Variants in MAST4 observed in about 807,000 individuals in gnomAD.
MAST4 encodes the protein microtubule-associated serine/threonine-protein kinase 4.
In MAST4, 89 loss-of-function variants were observed where a neutral mutation model predicts 162.7. The observed-to-expected ratio is 0.55, with a 90% CI of 0.46 to 0.65. The LOEUF (loss-of-function observed/expected upper bound fraction) is 0.65. MAST4 is among the 30% of genes least tolerant of loss of function. MAST4 has a pLI of 0.00. For missense variants in MAST4, 3,153 were observed against 3,374.0 expected, an observed-to-expected ratio of 0.93 and a Z score of 1.62; for synonymous variants, 1,479 against 1,361.1, an observed-to-expected ratio of 1.09 and a Z score of -1.91.
chr5:66,935,475 A>G (rs1278213435), intron 4 of MAST4, among the ~76,000 whole-genome samples: 3 of 151,830 alleles, frequency 2.0e-5, no homozygotes, highest in Admixed American at 1.3e-4. Context: ...TCCCTCCTTT[A>G]AATTCCCTCA....
At chr5:66,911,259 T>TC (rs1259059925) in intron 4 of MAST4, among the ~76,000 whole-genome samples, 1 of 152,206 alleles carries the variant, frequency 6.6e-6, no homozygotes, top group Non-Finnish European at 1.5e-5. Flanking sequence ...TGCAGATAGT[T>TC]CTGTGAACAC....
chr5:67,002,011 G>A (rs952160137), intron 4 of MAST4: 15 of 152,130 alleles, frequency 9.9e-5, no homozygotes, highest in African/African-American at 3.1e-4. Flanking sequence ...TTCTCTGTGC[G>A]GCTTATAATA....
At chr5:66,670,836 T>A (rs994118741) in intron 1 of MAST4, among the ~76,000 whole-genome samples, 1 of 152,068 alleles carries the variant, frequency 6.6e-6, no homozygotes, top group Admixed American at 6.5e-5. Flanking sequence ...CTAAAAACAT[T>A]ACTCAGATAT....
At chr5:66,652,569 A>G (rs1746296345) in intron 1 of MAST4, among the ~76,000 whole-genome samples, 1 of 152,204 alleles carries the variant, frequency 6.6e-6, no homozygotes, top group Admixed American at 6.5e-5. Flanking sequence ...GTAAAAAACA[A>G]TTTATCTATC....
intron 10 of MAST4, among the ~76,000 whole-genome samples, chr5:67,106,203 G>C (rs1349059617): frequency 6.6e-6 from 1 of 151,906 alleles, no homozygotes; most frequent in African/African-American, 2.4e-5. Context: ...CTTGTCAGCT[G>C]TCTTGGATTA....
chr5:66,906,689 T>C (rs1763375952), intron 4 of MAST4, among the ~76,000 whole-genome samples: 1 of 152,158 alleles, frequency 6.6e-6, no homozygotes, highest in African/African-American at 2.4e-5. Flanking sequence ...AGAAGACAAT[T>C]CATTAATGGG....
At chr5:66,764,299 A>G (rs1209546001) in intron 2 of MAST4, among the ~76,000 whole-genome samples, 1 of 152,146 alleles carries the variant, frequency 6.6e-6, no homozygotes, top group African/African-American at 2.4e-5. Flanking sequence ...GAAAGACAGG[A>G]GCATGAGAGG....
chr5:67,048,401 A>C (rs561934617), intron 4 of MAST4, among the ~76,000 whole-genome samples: 12 of 152,306 alleles, frequency 7.9e-5, no homozygotes, highest in African/African-American at 2.9e-4. Flanking sequence ...CAAAAGTATA[A>C]TTCATCCAAA....
chr5:66,679,150 G>C (rs1580175789), intron 1 of MAST4, among the ~76,000 whole-genome samples: 1 of 152,300 alleles, frequency 6.6e-6, no homozygotes, highest in East Asian at 1.9e-4. Context: ...GAGATGGTAA[G>C]AAAAGATTAC....
intron 1 of MAST4, among the ~76,000 whole-genome samples, chr5:66,739,281 A>G (rs1251746477): frequency 1.3e-5 from 2 of 152,206 alleles, no homozygotes; most frequent in Non-Finnish European, 2.9e-5. Flanking sequence ...CTTAGAGGAC[A>G]CCCAGTTGTT....
intron 26 of MAST4, among the ~76,000 whole-genome samples, chr5:67,154,021 A>G (rs981592373): frequency 6.6e-6 from 1 of 152,256 alleles, no homozygotes; most frequent in Admixed American, 6.5e-5. Context: ...TTGTAAATAT[A>G]TACACATGTA....
chr5:67,126,598 T>C (rs1275884874), intron 14 of MAST4, among the ~76,000 whole-genome samples: 1 of 152,162 alleles, frequency 6.6e-6, no homozygotes, highest in African/African-American at 2.4e-5. Context: ...GTTCTATTGG[T>C]CTGTATATCT....
intron 4 of MAST4, among the ~76,000 whole-genome samples, chr5:67,015,052 T>A (rs1451672279): frequency 6.6e-6 from 1 of 152,210 alleles, no homozygotes; most frequent in Non-Finnish European, 1.5e-5. Context: ...GGGTCCCAGG[T>A]TGGAAATCCA....
chr5:66,687,238 C>T, intron 1 of MAST4, among the ~76,000 whole-genome samples: 1 of 152,118 alleles, frequency 6.6e-6, no homozygotes. Context: ...CTTCTTTTCC[C>T]TCATCCTTAT....
intron 8 of MAST4, 168 bp from the exon 9 acceptor site, chr5:67,102,368 T>C (rs1355800599): frequency 5.8e-6 from 4 of 685,530 alleles, no homozygotes; most frequent in Non-Finnish European, 1.1e-5. Context: ...TTTATGGGAA[T>C]GTATGTGTGC....
chr5:67,138,490 G>C (rs1214427364), intron 19 of MAST4, among the ~76,000 whole-genome samples: 1 of 151,948 alleles, frequency 6.6e-6, no homozygotes, highest in Non-Finnish European at 1.5e-5. Flanking sequence ...CTGGAGTGCA[G>C]TGGTGCGATC....
intron 3 of MAST4, among the ~76,000 whole-genome samples, chr5:66,891,250 C>G (rs1233835299): frequency 1.3e-5 from 2 of 152,168 alleles, no homozygotes; most frequent in South Asian, 2.1e-4. Flanking sequence ...TCCACCACAA[C>G]TATTCTAAAT....
Position 67,133,607 on chromosome 5 carries a change from T to G in MAST4, c.2187T>G (p.Gly729=), listed in dbSNP as rs1472019660. Residue 729 remains glycine, a synonymous_variant, in exon 17 of 29, where the codon GGT becomes GGG. Coordinates refer to ENST00000403625, the MANE Select transcript of MAST4 (RefSeq NM_001164664.2). ...GCATGACTACCAACCTTTACGAGGG[T>G]CATATTGAGAAGGATGCTAGAGAGT... ...LMSMTTNLYE[G]HIEKDAREFL... The G allele has an allele frequency of 6.2e-7, 1 of 1,613,286 alleles. No individual in the cohort carries two copies.
intron 3 of MAST4, among the ~76,000 whole-genome samples, chr5:66,874,564 C>G (rs993086939): frequency 3.3e-5 from 5 of 152,164 alleles, no homozygotes; most frequent in Admixed American, 3.3e-4. Flanking sequence ...TGATCAATTT[C>G]AAAACCCGAA....
Sources: allele counts gnomAD v4.1 joint callset (sites outside exome capture counted in the v4.1 genomes callset), GRCh38; gene constraint gnomAD v4.1.1; transcripts MANE v1.5; gene names NCBI Gene and HGNC (gene_info 2026-07-23, HGNC 2026-07-21).